The following CSMD3 variants were observed in gnomAD, a reference collection of about 807,000 sequenced individuals.
CSMD3 encodes the protein CUB and Sushi multiple domains 3, also known as CUB and sushi domain-containing protein 3.
A neutral mutation model predicts 435.2 loss-of-function variants in CSMD3; 177 were observed. The observed-to-expected ratio is 0.41, with a 90% confidence interval of 0.36 to 0.46. The LOEUF is 0.46. Ranked by LOEUF, CSMD3 falls within the 20% of genes least tolerant of loss-of-function variation. CSMD3 has a pLI of 0.34. For synonymous variants in CSMD3, 1,656 were observed against 1,520.5 expected, an observed-to-expected ratio of 1.09 and a Z score of -2.07; for missense variants, 4,265 against 4,504.6, an observed-to-expected ratio of 0.95 and a Z score of 1.52.
chr8:112,791,319 G>GGAAAAAAAAAAAAAA, intron 13 of CSMD3, among the ~76,000 whole-genome samples: 1 of 103,194 alleles, frequency 9.7e-6, no homozygotes, highest in Non-Finnish European at 1.9e-5. Context: ...CATATCCTGT[G>GGAAAAAAAAAAAAAA]AAAAAAAAAA....
At chr8:112,630,406 A>G (rs763595526) in intron 22 of CSMD3, among the ~76,000 whole-genome samples, 3 of 152,162 alleles carry the variant, frequency 2.0e-5, no homozygotes, top group Non-Finnish European at 4.4e-5. Flanking sequence ...TAAGCTTTTT[A>G]TCAAGTTCTG....
At chr8:112,733,743 T>C (rs1379361177) in intron 13 of CSMD3, among the ~76,000 whole-genome samples, 2 of 151,970 alleles carry the variant, frequency 1.3e-5, no homozygotes, top group Non-Finnish European at 2.9e-5. Context: ...GAGAGAGATA[T>C]AGCAAAGGAA....
intron 36 of CSMD3, among the ~76,000 whole-genome samples, chr8:112,387,838 A>C (rs973734420): frequency 5.3e-5 from 8 of 152,132 alleles, no homozygotes; most frequent in Non-Finnish European, 7.4e-5. Context: ...AAATAGTCAA[A>C]ACTCCACTTG....
chr8:113,076,787 A>G (rs894225866), intron 5 of CSMD3, among the ~76,000 whole-genome samples: 3 of 152,146 alleles, frequency 2.0e-5, no homozygotes, highest in African/African-American at 7.2e-5. Flanking sequence ...TGTAGGCAAT[A>G]TTTTATTGTA....
At chr8:113,213,417 G>T (rs564428031) in intron 3 of CSMD3, among the ~76,000 whole-genome samples, 1 of 152,082 alleles carries the variant, frequency 6.6e-6, no homozygotes, top group Non-Finnish European at 1.5e-5. Context: ...TTAATCAGTA[G>T]TTCAAACTGA....
At chr8:112,969,505 T>C (rs1323486893) in intron 7 of CSMD3, among the ~76,000 whole-genome samples, 1 of 152,042 alleles carries the variant, frequency 6.6e-6, no homozygotes, top group African/African-American at 2.4e-5. Context: ...AATATCCTAC[T>C]GATATGATCA....
intron 32 of CSMD3, among the ~76,000 whole-genome samples, chr8:112,433,296 G>A (rs1219698030): frequency 6.6e-6 from 1 of 151,718 alleles, no homozygotes. Flanking sequence ...AGTTGTGTGG[G>A]ACAGAATATC....
chr8:112,865,597 T>A (rs961019685), intron 10 of CSMD3, among the ~76,000 whole-genome samples: 1 of 152,020 alleles, frequency 6.6e-6, no homozygotes. Flanking sequence ...TCACCTGGCA[T>A]AAGTTTCTAC....
chr8:113,134,980 C>T (rs2091378824), intron 4 of CSMD3, among the ~76,000 whole-genome samples: 2 of 151,908 alleles, frequency 1.3e-5, no homozygotes, highest in African/African-American at 4.8e-5. Flanking sequence ...CCCTAAGAAG[C>T]TAATCAATTA....
intron 2 of CSMD3, among the ~76,000 whole-genome samples, chr8:113,282,977 A>G (rs901062608): frequency 1.1e-4 from 16 of 152,096 alleles, no homozygotes; most frequent in African/African-American, 3.6e-4. Context: ...AAAAACATAA[A>G]GTGGGGAAAG....
At chr8:112,644,591 A>C (rs2074926582) in intron 20 of CSMD3, among the ~76,000 whole-genome samples, 1 of 152,076 alleles carries the variant, frequency 6.6e-6, no homozygotes, top group South Asian at 2.1e-4. Context: ...TTTACACTCT[A>C]TGTGAGACAT....
At chr8:113,367,608 A>T (rs2094320534) in intron 1 of CSMD3, among the ~76,000 whole-genome samples, 1 of 152,024 alleles carries the variant, frequency 6.6e-6, no homozygotes, top group Non-Finnish European at 1.5e-5. Flanking sequence ...GTTCCCACAT[A>T]TCTTAGTAAC....
At chr8:112,360,153 G>A (rs111339865) in intron 38 of CSMD3, among the ~76,000 whole-genome samples, 6 of 152,020 alleles carry the variant, frequency 3.9e-5, no homozygotes, top group African/African-American at 1.4e-4. Flanking sequence ...TGGGAGTCCT[G>A]AACAGTAAAT....
At position 113,008,542 on chromosome 8, in the gene CSMD3, T is replaced by A. The variant is rs996783704; in HGVS notation, c.1030+10525A>T. The stretch of plus-strand genomic sequence containing the variant: ...AACTGAGAAACTGAATTTTTAATTT[T>A]ATTTAATTATAATTAATCTTAATTT... On this transcript the variant is annotated intron_variant, in intron 6 of 70. Coordinates refer to ENST00000297405, the MANE Select transcript of CSMD3 (RefSeq NM_198123.2). 2.0e-5 allele frequency among the ~76,000 whole-genome samples: 3 copies of A among 151,832 alleles called. No homozygotes were observed. In the South Asian group the frequency reaches 6.2e-4, roughly 31 times the overall value.
At chr8:112,828,051 A>AT (rs960125924) in intron 12 of CSMD3, among the ~76,000 whole-genome samples, 3 of 152,194 alleles carry the variant, frequency 2.0e-5, no homozygotes, top group African/African-American at 7.2e-5. Context: ...TATATATACA[A>AT]TTTTACAGTA....
chr8:112,695,206 C>T lies in CSMD3; in HGVS notation c.1973-5156G>A, dbSNP rs2076224695. 3.3e-5 allele frequency among the ~76,000 whole-genome samples: 5 copies of T among 152,148 alleles called. No individual in the cohort carries two copies. The South Asian group carries it at 1.0e-3, about 32-fold the overall frequency. On this transcript the variant is annotated intron_variant, in intron 13 of 70. Coordinates refer to ENST00000297405, the MANE Select transcript of CSMD3 (RefSeq NM_198123.2). ...CCACTAGCACCAATTTAATGTGTAT[C>T]TTTCCAGTTCTTTTTTCAAGATGTA...
At chr8:112,597,305 A>C (rs1402077249) in intron 22 of CSMD3, among the ~76,000 whole-genome samples, 4 of 152,120 alleles carry the variant, frequency 2.6e-5, no homozygotes, top group Non-Finnish European at 4.4e-5. Flanking sequence ...CACCCTCCCA[A>C]GACTAAACCA....
intron 11 of CSMD3, among the ~76,000 whole-genome samples, chr8:112,841,656 C>G (rs1436675378): frequency 6.6e-6 from 1 of 151,708 alleles, no homozygotes; most frequent in Admixed American, 6.6e-5. Flanking sequence ...CTAAGATTTA[C>G]AATATTGGTA....
At chr8:112,420,029 C>A (rs1192158088) in intron 32 of CSMD3, among the ~76,000 whole-genome samples, 1 of 152,080 alleles carries the variant, frequency 6.6e-6, no homozygotes. Context: ...TATTTAATCA[C>A]CTTTCATATT....
Sources: gnomAD v4.1 joint callset for allele counts (sites outside exome capture counted in the v4.1 genomes callset) on GRCh38, gnomAD v4.1.1 for gene constraint, MANE v1.5 for transcripts, NCBI Gene and HGNC (gene_info 2026-07-23, HGNC 2026-07-21) for gene names.